KCNT2: variants seen among roughly 807,000 people sequenced by gnomAD.
KCNT2 encodes the protein potassium channel subfamily T member 2.
Under a neutral mutation model 153.8 loss-of-function variants are expected in KCNT2, and 67 were observed. The ratio of observed to expected loss-of-function variants is 0.44; its 90% CI spans 0.36 to 0.53. The LOEUF is 0.53. Ranked by LOEUF, KCNT2 falls within the 20% of genes least tolerant of loss-of-function variation. The pLI is 0.00. For synonymous variants in KCNT2, 500 were observed against 458.8 expected, an observed-to-expected ratio of 1.09 and a Z score of -1.15; for missense variants, 975 against 1,354.8, an observed-to-expected ratio of 0.72 and a Z score of 4.40.
At chr1:196,540,730 C>G (rs1314179411) in intron 1 of KCNT2, among the ~76,000 whole-genome samples, 1 of 152,138 alleles carries the variant, frequency 6.6e-6, no homozygotes, top group Non-Finnish European at 1.5e-5. Flanking sequence ...TATGTCTAAT[C>G]CCCTCTCTTT....
intron 1 of KCNT2, among the ~76,000 whole-genome samples, chr1:196,592,755 AATAAGACC>A (rs1455058608): frequency 6.8e-6 from 1 of 147,798 alleles, no homozygotes. Flanking sequence ...AGAAAGAATG[AATAAGACC>A]TAGTATTTGA....
At chr1:196,437,528 A>T (rs1466751535) in intron 8 of KCNT2, among the ~76,000 whole-genome samples, 1 of 149,210 alleles carries the variant, frequency 6.7e-6, no homozygotes, top group Non-Finnish European at 1.5e-5. Flanking sequence ...GCTATCTAAA[A>T]TATAAAAAAG....
At chr1:196,469,333 G>A (rs1308926759) in intron 5 of KCNT2, among the ~76,000 whole-genome samples, 3 of 152,076 alleles carry the variant, frequency 2.0e-5, no homozygotes, top group Non-Finnish European at 4.4e-5. Flanking sequence ...CAAGTAATAT[G>A]TCATGGAAGA....
In KCNT2 at chr1:196,404,680, T is replaced by C. The variant is rs185422657; in HGVS notation, c.1186-6009A>G. On this transcript the variant is annotated intron_variant, in intron 12 of 27. Transcript: ENST00000294725. The stretch of plus-strand genomic sequence containing the variant: ...TAGATGATGCTACTTGATCCCATTG[T>C]ATTCTGTGAACAATTAACCCCATCT... Among the ~76,000 whole-genome samples the C allele has an allele frequency of 2.6e-5, 4 of 151,646 alleles. No individual in the cohort carries two copies. The Admixed American group carries it at 2.6e-4, about 10-fold the overall frequency.
rs982613264 is a variant in KCNT2 at position 196,449,517 on chromosome 1, T to A, written c.638+15776A>T. On this transcript the variant is annotated intron_variant, in intron 8 of 27. Coordinates refer to ENST00000294725, the MANE Select transcript of KCNT2 (RefSeq NM_198503.5). ...ATAATGTAACCCTGGTATATTAACC[T>A]GGGTAGGAGATATCATCAGTTTAAG... 2.6e-5 allele frequency among the ~76,000 whole-genome samples: 4 copies of A among 151,854 alleles called. No individual in the cohort carries two copies. In the Middle Eastern group the frequency reaches 0.014, roughly 517 times the overall value.
rs1655199721 is a variant in KCNT2, at chr1:196,244,040, TC to T, written c.3212-7971del. Among the ~76,000 whole-genome samples, 4 of 151,982 alleles carry T rather than the reference TC, an allele frequency of 2.6e-5. No individual in the cohort carries two copies. The South Asian group carries it at 8.3e-4, about 32-fold the overall frequency. ...TAGGGCACCAGGCAAAGTCCCGAGG[TC>T]CACATTCCAGGCTCTAGCTCCCAGA... is the stretch of plus-strand genomic sequence containing the variant. On this transcript the variant is annotated intron_variant, in intron 26 of 27. Transcript: ENST00000294725.
chr1:196,366,786 G>C (rs1668080521), intron 14 of KCNT2, among the ~76,000 whole-genome samples: 1 of 152,034 alleles, frequency 6.6e-6, no homozygotes, highest in African/African-American at 2.4e-5. Context: ...AACTCCCCAA[G>C]AGCAGAGATT....
In KCNT2 at chr1:196,226,843, C is replaced by G. The variant is rs892049986; in HGVS notation, c.*1381G>C. 5.9e-5 allele frequency: 9 copies of G among 151,762 alleles called. No individual in the cohort carries two copies. Among genetic ancestry groups the G allele is most frequent in the Admixed American group, 2.0e-4 (3 of 15,254 alleles). 9.4% of individuals were successfully genotyped at this position (151,762 alleles called of 1,614,324 possible). A position where few individuals can be genotyped will look rare whatever the true frequency, so the allele number is the denominator to read the frequency against. On this transcript the variant is annotated 3_prime_UTR_variant, in exon 28 of 28. Coordinates refer to ENST00000294725, the MANE Select transcript of KCNT2 (RefSeq NM_198503.5). ...GCTGAATTAAACTCAATGTCAAATT[C>G]AAAAATTAAAAAATACAAAATTAGA...
intron 1 of KCNT2, among the ~76,000 whole-genome samples, chr1:196,546,191 C>A (rs1657071641): frequency 6.6e-6 from 1 of 152,012 alleles, no homozygotes; most frequent in Admixed American, 6.6e-5. Flanking sequence ...CTATTCCATC[C>A]CATGCTAAAT....
At chr1:196,307,893 A>T (rs942901755) in intron 21 of KCNT2, among the ~76,000 whole-genome samples, 3 of 152,048 alleles carry the variant, frequency 2.0e-5, no homozygotes, top group Non-Finnish European at 4.4e-5. Flanking sequence ...CCAACTGCCA[A>T]ATTTCATACC....
intron 12 of KCNT2, among the ~76,000 whole-genome samples, chr1:196,406,037 T>A (rs1045808293): frequency 6.6e-6 from 1 of 151,522 alleles, no homozygotes; most frequent in Non-Finnish European, 1.5e-5. Context: ...AACAATTTCT[T>A]CACAGATGGC....
intron 8 of KCNT2, among the ~76,000 whole-genome samples, chr1:196,456,391 A>G (rs1246297424): frequency 6.6e-6 from 1 of 151,966 alleles, no homozygotes; most frequent in African/African-American, 2.4e-5. Context: ...AACGTTATGT[A>G]TAGTATAAAA....
intron 1 of KCNT2, among the ~76,000 whole-genome samples, chr1:196,551,990 A>C (rs1657966992): frequency 6.6e-6 from 1 of 151,540 alleles, no homozygotes; most frequent in East Asian, 1.9e-4. Flanking sequence ...CACTATATTA[A>C]AAATAATGTG....
intron 13 of KCNT2, among the ~76,000 whole-genome samples, chr1:196,385,806 C>T (rs1017409049): frequency 2.0e-4 from 30 of 150,458 alleles, no homozygotes; most frequent in African/African-American, 7.1e-4. Context: ...GGATCTGTTT[C>T]CTCATCTGTA....
At position 196,315,900 on chromosome 1, in the gene KCNT2, T is replaced by C. The variant is rs745336729; in HGVS notation, c.2475A>G (p.Thr825=). The C allele has an allele frequency of 6.2e-7, 1 of 1,605,580 alleles. No homozygotes were observed. Among genetic ancestry groups the C allele is most frequent in the Non-Finnish European group, 8.5e-7 (1 of 1,175,620 alleles). The change falls in exon 21 of 28, where the codon ACA becomes ACG. Residue 825 remains threonine (T), a synonymous_variant. Coordinates refer to ENST00000294725, the MANE Select transcript of KCNT2 (RefSeq NM_198503.5). ...ADAKTIVNVQ[T]LFRLFSSLSI... is the part of the protein sequence containing the mutation. ...ATGATTCAGCCACTTACCTGAAGAG[T>C]GTCTGCACGTTCACAATGGTTTTGG...
chr1:196,455,534 T>C (rs1428751362), intron 8 of KCNT2, among the ~76,000 whole-genome samples: 1 of 151,988 alleles, frequency 6.6e-6, no homozygotes, highest in Non-Finnish European at 1.5e-5. Flanking sequence ...TCCTATTATT[T>C]GTTTATTATC....
At chr1:196,459,710 G>T (rs1376501289) in intron 8 of KCNT2, among the ~76,000 whole-genome samples, 1 of 151,862 alleles carries the variant, frequency 6.6e-6, no homozygotes, top group East Asian at 1.9e-4. Flanking sequence ...GACAAAATTA[G>T]AATCTGAATG....
At chr1:196,453,762 A>G (rs899110337) in intron 8 of KCNT2, among the ~76,000 whole-genome samples, 3 of 151,886 alleles carry the variant, frequency 2.0e-5, no homozygotes, top group Non-Finnish European at 4.4e-5. Flanking sequence ...ATCTTTCCCT[A>G]TAGTTTTTAT....
chr1:196,326,370 T>G (rs1034753286), intron 19 of KCNT2, among the ~76,000 whole-genome samples: 20 of 152,098 alleles, frequency 1.3e-4, no homozygotes, highest in African/African-American at 4.8e-4. Flanking sequence ...AAAAAAAAAT[T>G]GTCCAGTTTT....
Sources: allele counts gnomAD v4.1 joint callset (sites outside exome capture counted in the v4.1 genomes callset), GRCh38; gene constraint gnomAD v4.1.1; transcripts MANE v1.5; gene names NCBI Gene and HGNC (gene_info 2026-07-23, HGNC 2026-07-21).